ATP13A4: variants seen among roughly 807,000 people sequenced by gnomAD.
ATP13A4 encodes ATPase 13A4.
A neutral mutation model predicts 142.5 loss-of-function variants in ATP13A4; 114 were observed. The ratio of observed to expected loss-of-function variants is 0.80; its 90% CI spans 0.69 to 0.93. The LOEUF (loss-of-function observed/expected upper bound fraction) is 0.93. Among genes scored for constraint, ATP13A4 ranks in the 40% least tolerant of loss-of-function variants. The probability of loss-of-function intolerance (pLI) is 0.00; values close to 1 mark genes in which losing one functional copy is unlikely to be tolerated. For missense variants in ATP13A4, 1,392 were observed against 1,454.0 expected (o/e 0.96, Z 0.69); for synonymous variants, 488 against 514.8 (o/e 0.95, Z 0.70).
intron 1 of ATP13A4, among the ~76,000 whole-genome samples, chr3:193,590,044 T>C (rs1245397718): frequency 6.6e-6 from 1 of 151,910 alleles, no homozygotes; most frequent in East Asian, 1.9e-4. Flanking sequence ...ACTTTTCATA[T>C]TGTAATCATC....
Position 193,470,270 on chromosome 3 carries a change from G to T in ATP13A4, c.943+589C>A, listed in dbSNP as rs968650358. ...TCTGGACCTCAGTTGCCATGCCTAT[G>T]ATATGAGATAACCTCACAGGTCCCA... On this transcript the variant is annotated intron_variant, in intron 9 of 29. Coordinates refer to ENST00000342695, the MANE Select transcript of ATP13A4 (RefSeq NM_032279.4). 2.0e-5 allele frequency among the ~76,000 whole-genome samples: 3 copies of T among 152,170 alleles called. No homozygotes were observed. The South Asian group carries it at 6.2e-4, about 32-fold the overall frequency.
chr3:193,404,333 C>T (rs1714389820), intron 29 of ATP13A4, among the ~76,000 whole-genome samples: 1 of 152,114 alleles, frequency 6.6e-6, no homozygotes, highest in South Asian at 2.1e-4. Context: ...TTTTTTAGTT[C>T]TGGACTCTGA....
In ATP13A4 at chr3:193,457,001, T is replaced by C. The variant is rs746463436; in HGVS notation, c.1914A>G (p.Thr638=). Residue 638 remains threonine, a splice_region_variant and synonymous_variant, in exon 16 of 30, where the codon ACA becomes ACG. Coordinates refer to ENST00000342695, the MANE Select transcript of ATP13A4 (RefSeq NM_032279.4). The part of the protein sequence containing the change: ...ERVASFCQPE[T]VPTSFVSELQ... ...TGTAATCCAAGTCAAGTTACAGACC[T>C]GTCTCAGGTTGGCAAAAGCTGGCCA... 4 of 1,612,246 alleles carry C rather than the reference T, an allele frequency of 2.5e-6. No individual in the cohort carries two copies. The highest frequency in any genetic ancestry group is 3.4e-6 in the Non-Finnish European group (4 of 1,179,164).
At chr3:193,496,966 T>C (rs1202735755) in intron 3 of ATP13A4, among the ~76,000 whole-genome samples, 2 of 151,898 alleles carry the variant, frequency 1.3e-5, no homozygotes, top group Non-Finnish European at 2.9e-5. Context: ...ATAAAACTAC[T>C]AAAAGAAAAT....
intron 25 of ATP13A4, among the ~76,000 whole-genome samples, chr3:193,430,386 A>G (rs1002457348): frequency 1.3e-5 from 2 of 152,156 alleles, no homozygotes; most frequent in Admixed American, 1.3e-4. Flanking sequence ...AGCATGGATC[A>G]ATACAGACTA....
intron 2 of ATP13A4, among the ~76,000 whole-genome samples, chr3:193,504,299 A>C (rs1266014350): frequency 2.0e-5 from 3 of 152,202 alleles, no homozygotes; most frequent in African/African-American, 7.2e-5. Context: ...TAGGTATGGT[A>C]GAGTAGGCAA....
chr3:193,419,887 T>G (rs1045107239), intron 25 of ATP13A4, among the ~76,000 whole-genome samples: 4 of 150,252 alleles, frequency 2.7e-5, no homozygotes, highest in Admixed American at 6.8e-5. Context: ...TGTGCCATTT[T>G]GGGTTCTTTG....
chr3:193,545,878 C>A (rs1286087035), intron 1 of ATP13A4, among the ~76,000 whole-genome samples: 1 of 151,712 alleles, frequency 6.6e-6, no homozygotes, highest in South Asian at 2.1e-4. Context: ...CTTTCCTTGA[C>A]CAAAAAATTC....
intron 26 of ATP13A4, 89 bp from the exon 27 acceptor site, chr3:193,412,460 T>C (rs988783843): frequency 4.0e-6 from 5 of 1,238,202 alleles, no homozygotes; most frequent in East Asian, 2.3e-5. Flanking sequence ...CCAAACAGTG[T>C]CCAGAGCAGG....
At position 193,400,029 on chromosome 3, in the gene ATP13A4, T is replaced by G. The variant is rs79387060; in HGVS notation, c.*2623A>C. 3.8e-3 allele frequency among the ~76,000 whole-genome samples: 577 copies of G among 152,266 alleles called. 2 individuals are homozygous for G. Among genetic ancestry groups the G allele is most frequent in the African/African-American group, 0.013 (534 of 41,556 alleles). On this transcript the variant is annotated 3_prime_UTR_variant, in exon 30 of 30. Transcript: ENST00000342695. ...CTAGAGTACATTCCACTGCTATCAGTGCTGGCTGTTAGGACAGTGGTTAGG... is the reference window on the plus strand; with the variant it reads ...CTAGAGTACATTCCACTGCTATCAGGGCTGGCTGTTAGGACAGTGGTTAGG...
intron 3 of ATP13A4, among the ~76,000 whole-genome samples, chr3:193,495,246 T>C (rs774984005): frequency 6.6e-6 from 1 of 151,966 alleles, no homozygotes; most frequent in Non-Finnish European, 1.5e-5. Context: ...TTAATATGCA[T>C]CAGGTGATAT....
intron 17 of ATP13A4, among the ~76,000 whole-genome samples, chr3:193,449,786 C>T (rs965466204): frequency 6.6e-6 from 1 of 152,152 alleles, no homozygotes; most frequent in Non-Finnish European, 1.5e-5. Flanking sequence ...ATGTTCTGAG[C>T]CTTATACCAC....
intron 28 of ATP13A4, among the ~76,000 whole-genome samples, chr3:193,409,313 C>T (rs1162015666): frequency 6.6e-6 from 1 of 152,104 alleles, no homozygotes; most frequent in Non-Finnish European, 1.5e-5. Context: ...TCCTTGCCCG[C>T]ACATTCTACA....
At chr3:193,425,394 A>G (rs1715606583) in intron 25 of ATP13A4, among the ~76,000 whole-genome samples, 1 of 151,810 alleles carries the variant, frequency 6.6e-6, no homozygotes, top group Non-Finnish European at 1.5e-5. Context: ...CAGTATGTCA[A>G]AGAAATATCT....
At chr3:193,472,762 A>T (rs578234108) in intron 8 of ATP13A4, among the ~76,000 whole-genome samples, 2 of 152,198 alleles carry the variant, frequency 1.3e-5, no homozygotes, top group African/African-American at 4.8e-5. Flanking sequence ...GGTTTCAGGC[A>T]TCTACCTGGG....
intron 25 of ATP13A4, among the ~76,000 whole-genome samples, chr3:193,422,421 T>A (rs112425442): frequency 7.7e-6 from 1 of 129,470 alleles, no homozygotes; most frequent in Non-Finnish European, 1.7e-5. Context: ...AACAGAAGAA[T>A]ACACATTATT....
At chr3:193,504,025 G>C (rs1242668618) in intron 2 of ATP13A4, among the ~76,000 whole-genome samples, 2 of 150,902 alleles carry the variant, frequency 1.3e-5, no homozygotes, top group African/African-American at 2.4e-5. Flanking sequence ...GTGTGTGAGA[G>C]AGAGAGAGAG....
Position 193,514,937 on chromosome 3 carries a change from T to G in ATP13A4, c.61-66A>C, listed in dbSNP as rs1193817914. ...CAATAAACAATAAATGAACAAATAC[T>G]GATTTTAGTGATGGAAATGGGGGCA... On this transcript the variant is annotated intron_variant, in intron 1 of 29. Transcript: ENST00000342695. The G allele has an allele frequency of 1.9e-6, 3 of 1,543,474 alleles. No individual in the cohort carries two copies. The African/African-American group carries it at 4.1e-5, about 21-fold the overall frequency.
At chr3:193,430,439 A>G (rs1715906703) in intron 25 of ATP13A4, among the ~76,000 whole-genome samples, 1 of 152,154 alleles carries the variant, frequency 6.6e-6, no homozygotes, top group South Asian at 2.1e-4. Context: ...GAGGAGAAGC[A>G]GGCAAAAAGC....
Sources: allele counts gnomAD v4.1 joint callset (sites outside exome capture counted in the v4.1 genomes callset), GRCh38; gene constraint gnomAD v4.1.1; transcripts MANE v1.5; gene names NCBI Gene and HGNC (gene_info 2026-07-23, HGNC 2026-07-21).